Variants in FAM53A observed in about 807,000 individuals in gnomAD.
FAM53A encodes the protein family with sequence similarity 53 member A.
A neutral mutation model predicts 26.6 loss-of-function variants in FAM53A; 28 were observed. The ratio of observed to expected loss-of-function variants is 1.05; its 90% CI spans 0.78 to 1.45. The LOEUF (loss-of-function observed/expected upper bound fraction) is 1.45, where lower values mean the gene tolerates loss of function less well. FAM53A is among the 40% of genes most tolerant of loss of function. The probability of loss-of-function intolerance (pLI) is 0.00; values close to 1 mark genes in which losing one functional copy is unlikely to be tolerated. For synonymous variants in FAM53A, 290 were observed against 253.1 expected (o/e 1.15, Z -1.38); for missense variants, 650 against 575.8 (o/e 1.13, Z -1.32).
the FAM53A span, among the ~76,000 whole-genome samples, chr4:1,579,078 T>G: frequency 7.3e-6 from 1 of 136,834 alleles, no homozygotes. Flanking sequence ...GGAATCGAGG[T>G]CCCCTTCCCA....
the FAM53A span, among the ~76,000 whole-genome samples, chr4:1,585,491 C>G: frequency 6.6e-6 from 1 of 151,980 alleles, no homozygotes; most frequent in African/African-American, 2.4e-5. Flanking sequence ...ACCACATTGG[C>G]CAGGCTGATC....
chr4:1,644,168 G>A (rs760436757), intron 4 of FAM53A: 2 of 1,534,038 alleles, frequency 1.3e-6, no homozygotes, highest in South Asian at 2.4e-5. Context: ...CACGCACCGG[G>A]GTGGCGGGGA....
chr4:1,605,997 G>A, the FAM53A span, among the ~76,000 whole-genome samples: 1 of 151,706 alleles, frequency 6.6e-6, no homozygotes, highest in South Asian at 2.1e-4. The surrounding 1 kb of genome is among the most constrained non-coding windows in gnomAD (Gnocchi z 5.7). Flanking sequence ...AGCAGGGCCT[G>A]TGCCAGGAAT....
At chr4:1,660,595 T>G (rs1255104021) in intron 2 of FAM53A, among the ~76,000 whole-genome samples, 5 of 151,792 alleles carry the variant, frequency 3.3e-5, no homozygotes, top group Admixed American at 1.3e-4. Flanking sequence ...TTTAAAAACC[T>G]AAAAGTTTTT....
At chr4:1,643,230 G>T (rs1317129167) in intron 4 of FAM53A, among the ~76,000 whole-genome samples, 1 of 152,170 alleles carries the variant, frequency 6.6e-6, no homozygotes, top group East Asian at 1.9e-4. Context: ...ACTTTGGGAG[G>T]CCGGGGCGGG....
chr4:1,642,523 C>T (rs565873830), intron 4 of FAM53A, among the ~76,000 whole-genome samples: 2 of 152,290 alleles, frequency 1.3e-5, no homozygotes, highest in East Asian at 1.9e-4. Flanking sequence ...CCAACCAGAG[C>T]ACTCTGAGCT....
At chr4:1,644,067 T>A in intron 4 of FAM53A, 1 of 1,325,416 alleles carries the variant, frequency 7.5e-7, no homozygotes, top group African/African-American at 1.5e-5. Flanking sequence ...ACCAGCTCGG[T>A]CTGGTGTCAC....
the FAM53A span, among the ~76,000 whole-genome samples, chr4:1,585,504 G>A: frequency 6.6e-6 from 1 of 151,868 alleles, no homozygotes; most frequent in Admixed American, 6.6e-5. Context: ...GGCTGATCTC[G>A]AACTCCTGGC....
chr4:1,607,167 C>T, the FAM53A span, among the ~76,000 whole-genome samples: 10 of 152,192 alleles, frequency 6.6e-5, no homozygotes, highest in South Asian at 4.2e-4. Flanking sequence ...TACAGGCATG[C>T]GCCACCACAC....
chr4:1,655,717 C>T lies in FAM53A; in HGVS notation c.143G>A (p.Ser48Asn), dbSNP rs1178941816. The T allele has an allele frequency of 6.4e-7, 1 of 1,562,118 alleles. No homozygotes were observed. The highest frequency in any genetic ancestry group is 1.2e-5 in the South Asian group (1 of 86,682). ...RLFPLELNDQ[S>N]PWKVFSGGPP... The stretch of plus-strand genomic sequence containing the variant: ...TCCTCCACTGAAGACCTTCCAGGGA[C>T]TCTGGTCTACAAAAAAAGACACAAA... The change falls in exon 4 of 5, where the codon AGT becomes AAT. Residue 48 changes from serine to asparagine, a missense_variant. Coordinates refer to ENST00000308132, the MANE Select transcript of FAM53A (RefSeq NM_001174070.3).
chr4:1,596,886 A>C, the FAM53A span, among the ~76,000 whole-genome samples: 1 of 152,090 alleles, frequency 6.6e-6, no homozygotes, highest in African/African-American at 2.4e-5. Context: ...ACAGTGGGAG[A>C]GAGAGACAGA....
At chr4:1,650,558 G>A (rs933656689) in intron 4 of FAM53A, among the ~76,000 whole-genome samples, 1 of 151,940 alleles carries the variant, frequency 6.6e-6, no homozygotes, top group Admixed American at 6.6e-5. Context: ...GTGCAGTGGC[G>A]TGATCTCAGT....
Position 1,655,498 on chromosome 4 carries a change from C to A in FAM53A, c.362G>T (p.Cys121Phe). Residue 121 changes from cysteine (C) to phenylalanine (F), a missense_variant, in exon 4 of 5, where the codon TGC becomes TTC. Coordinates refer to ENST00000308132, the MANE Select transcript of FAM53A (RefSeq NM_001174070.3). Reference sequence around the variant, plus strand: ...CTCCTCGGGTTCTGACAAGGACCGGCAATGCCGCTTGGTCGGTGGGGCCGT... The same window carrying A: ...CTCCTCGGGTTCTGACAAGGACCGGAAATGCCGCTTGGTCGGTGGGGCCGT... Reference protein sequence around the residue: ...SSTAPPTKRHCRSLSEPEELV... With the variant: ...SSTAPPTKRHFRSLSEPEELV... The A allele has an allele frequency of 1.3e-6, 2 of 1,574,398 alleles. No individual in the cohort carries two copies. The highest frequency in any genetic ancestry group is 2.3e-5 in the East Asian group (1 of 43,114).
At chr4:1,608,428 C>T in the FAM53A span, among the ~76,000 whole-genome samples, 2 of 152,182 alleles carry the variant, frequency 1.3e-5, no homozygotes, top group Non-Finnish European at 2.9e-5. Context: ...TCCATGCTCA[C>T]GGGCCCCTCC....
At chr4:1,643,565 T>C (rs1179846659) in intron 4 of FAM53A, among the ~76,000 whole-genome samples, 1 of 140,500 alleles carries the variant, frequency 7.1e-6, no homozygotes, top group Non-Finnish European at 1.6e-5. Context: ...TTCTAAAGAA[T>C]AATTTTTTTT....
intron 4 of FAM53A, chr4:1,644,513 A>G: frequency 1.2e-6 from 1 of 862,248 alleles, no homozygotes; most frequent in South Asian, 2.0e-5. Flanking sequence ...GTGGAAACCG[A>G]GGCCCACGGG....
intron 1 of FAM53A, among the ~76,000 whole-genome samples, chr4:1,629,775 G>A (rs553171160): frequency 1.2e-4 from 18 of 152,322 alleles, no homozygotes; most frequent in Admixed American, 4.6e-4. Flanking sequence ...TTGAGTCTCC[G>A]AAGGCAGTTA....
At chr4:1,605,280 G>T in the FAM53A span, among the ~76,000 whole-genome samples, 1 of 152,160 alleles carries the variant, frequency 6.6e-6, no homozygotes, top group African/African-American at 2.4e-5. The surrounding 1 kb of genome is among the most constrained non-coding windows in gnomAD (Gnocchi z 5.7). Context: ...ACTGGAGTCG[G>T]AACTCCCAGC....
chr4:1,657,772 G>GGACT (rs375999270), intron 2 of FAM53A, among the ~76,000 whole-genome samples: 85 of 151,892 alleles, frequency 5.6e-4, no homozygotes, highest in African/African-American at 2.1e-3. Flanking sequence ...CAAGTAGCTG[G>GGACT]GACTACAGGC....
Sources: gnomAD v4.1 joint callset for allele counts (sites outside exome capture counted in the v4.1 genomes callset) on GRCh38, gnomAD v4.1.1 for gene constraint, Gnocchi (gnomAD v3.1) non-coding constraint, MANE v1.5 for transcripts, NCBI Gene and HGNC (gene_info 2026-07-23, HGNC 2026-07-21) for gene names.